Variants in MCUB observed in about 807,000 individuals in gnomAD.
The protein encoded by MCUB is calcium uniporter regulatory subunit MCUb, mitochondrial.
In MCUB, 46 loss-of-function variants were observed where a neutral mutation model predicts 41.4. That is an observed-to-expected ratio of 1.11 (90% CI 0.88 to 1.42). MCUB has a LOEUF of 1.42. MCUB is among the 40% of genes most tolerant of loss of function. MCUB has a pLI of 0.00. For missense variants in MCUB, 403 were observed against 404.9 expected (o/e 1.00, Z 0.04); for synonymous variants, 148 against 148.2 (o/e 1.00, Z 0.01).
chr4:109,641,563 A>G (rs1294354268), intron 1 of MCUB, among the ~76,000 whole-genome samples: 1 of 152,236 alleles, frequency 6.6e-6, no homozygotes, highest in South Asian at 2.1e-4. Flanking sequence ...CTAAGATGTG[A>G]CAGAGACAAA....
At chr4:109,607,562 G>T (rs1250048381) in intron 1 of MCUB, among the ~76,000 whole-genome samples, 1 of 152,206 alleles carries the variant, frequency 6.6e-6, no homozygotes, top group Non-Finnish European at 1.5e-5. Context: ...ATTTCTTGTA[G>T]AACAGGTCTG....
chr4:109,687,462 T>C (rs1729873426), intron 7 of MCUB, 53 bp from the exon 8 acceptor site: 1 of 1,220,114 alleles, frequency 8.2e-7, no homozygotes, highest in East Asian at 2.3e-5. Flanking sequence ...AGCAGTAATG[T>C]TGGTATGTTT....
intron 1 of MCUB, among the ~76,000 whole-genome samples, chr4:109,572,820 T>TAG (rs1726945608): frequency 5.3e-5 from 8 of 152,174 alleles, no homozygotes; most frequent in Non-Finnish European, 1.0e-4. Flanking sequence ...TAATTATTGC[T>TAG]TTATATAATG....
intron 1 of MCUB, among the ~76,000 whole-genome samples, chr4:109,587,063 G>A (rs1008497535): frequency 1.5e-4 from 23 of 152,258 alleles, no homozygotes; most frequent in Non-Finnish European, 3.1e-4. Context: ...TGTTCCCAGA[G>A]GTGGAGTCTA....
intron 4 of MCUB, among the ~76,000 whole-genome samples, chr4:109,667,697 TTTTCA>T (rs1256979688): frequency 1.3e-5 from 2 of 150,742 alleles, no homozygotes; most frequent in African/African-American, 4.9e-5. Context: ...TTCTGCTTGC[TTTTCA>T]TTTCATTTGC....
At chr4:109,571,640 A>G (rs1726919916) in intron 1 of MCUB, among the ~76,000 whole-genome samples, 1 of 152,150 alleles carries the variant, frequency 6.6e-6, no homozygotes, top group South Asian at 2.1e-4. Flanking sequence ...TTTCCCTCTT[A>G]GGAAATGGTT....
At chr4:109,590,166 G>A (rs377386580) in intron 1 of MCUB, among the ~76,000 whole-genome samples, 1 of 142,994 alleles carries the variant, frequency 7.0e-6, no homozygotes, top group Non-Finnish European at 1.6e-5. Context: ...AGAAATAATC[G>A]TTAATTTTTT....
intron 1 of MCUB, among the ~76,000 whole-genome samples, chr4:109,568,115 C>T (rs1265317887): frequency 6.6e-6 from 1 of 152,170 alleles, no homozygotes; most frequent in South Asian, 2.1e-4. Context: ...AAAGAGACAT[C>T]ATTGGCCCTC....
chr4:109,670,950 C>T (rs974115636), intron 4 of MCUB, among the ~76,000 whole-genome samples: 1 of 152,146 alleles, frequency 6.6e-6, no homozygotes, highest in African/African-American at 2.4e-5. Context: ...AGCAATTTGT[C>T]AGTTACAGTT....
At chr4:109,594,996 T>C (rs953267903) in intron 1 of MCUB, among the ~76,000 whole-genome samples, 3 of 151,860 alleles carry the variant, frequency 2.0e-5, no homozygotes, top group African/African-American at 7.3e-5. Context: ...AATAGTGTTC[T>C]TTTTCAGGTT....
chr4:109,639,853 C>T (rs979888498), intron 1 of MCUB, among the ~76,000 whole-genome samples: 2 of 152,134 alleles, frequency 1.3e-5, no homozygotes, highest in Non-Finnish European at 2.9e-5. Flanking sequence ...CTTAAAGTCA[C>T]CAGATGCATT....
chr4:109,589,552 T>G (rs1727383101), intron 1 of MCUB, among the ~76,000 whole-genome samples: 1 of 152,192 alleles, frequency 6.6e-6, no homozygotes, highest in Admixed American at 6.6e-5. Context: ...CTTGCCATCC[T>G]CCGTGCTGGG....
chr4:109,659,195 A>G, intron 2 of MCUB, 109 bp downstream of exon 2: 1 of 689,182 alleles, frequency 1.5e-6, no homozygotes, highest in Non-Finnish European at 2.6e-6. Context: ...CACTATCCCC[A>G]TCCCACCCCA....
At chr4:109,573,148 T>C (rs1005023974) in intron 1 of MCUB, among the ~76,000 whole-genome samples, 1 of 152,090 alleles carries the variant, frequency 6.6e-6, no homozygotes, top group East Asian at 1.9e-4. Flanking sequence ...ATATTAACCA[T>C]TGCTTTAAGA....
intron 1 of MCUB, among the ~76,000 whole-genome samples, chr4:109,565,806 A>G (rs1156873824): frequency 6.6e-6 from 1 of 151,274 alleles, no homozygotes; most frequent in African/African-American, 2.4e-5. Flanking sequence ...ATTCATTATG[A>G]TATGCGAAAC....
chr4:109,624,873 C>T (rs1431021663), intron 1 of MCUB, among the ~76,000 whole-genome samples: 3 of 152,168 alleles, frequency 2.0e-5, no homozygotes, highest in Admixed American at 6.5e-5. Flanking sequence ...AGGCTGGTGG[C>T]TCACACCTGT....
intron 4 of MCUB, among the ~76,000 whole-genome samples, chr4:109,682,116 G>A (rs1218469606): frequency 6.6e-6 from 1 of 152,166 alleles, no homozygotes; most frequent in Non-Finnish European, 1.5e-5. Flanking sequence ...GTGTTTAAAG[G>A]TGGATGCGGT....
chr4:109,653,103 G>A (rs539409241), intron 1 of MCUB, among the ~76,000 whole-genome samples: 113 of 152,342 alleles, frequency 7.4e-4, no homozygotes, highest in Non-Finnish European at 1.3e-3. Context: ...CAGGCTGGGT[G>A]TGGTGGCTCA....
At chr4:109,653,608 C>T (rs1476535114) in intron 1 of MCUB, among the ~76,000 whole-genome samples, 2 of 151,998 alleles carry the variant, frequency 1.3e-5, no homozygotes, top group South Asian at 4.1e-4. Flanking sequence ...TGGAGTTTCA[C>T]TCTTGTTGCC....
Sources: gnomAD v4.1 joint callset for allele counts (sites outside exome capture counted in the v4.1 genomes callset) on GRCh38, gnomAD v4.1.1 for gene constraint, MANE v1.5 for transcripts, NCBI Gene and HGNC (gene_info 2026-07-23, HGNC 2026-07-21) for gene names.